Variants in AK3 observed in about 807,000 individuals in gnomAD.
AK3 encodes the protein GTP:AMP phosphotransferase AK3, mitochondrial.
AK3 carries 27 observed loss-of-function variants against 23.7 expected under a neutral mutation model. That is an observed-to-expected ratio of 1.14 (90% CI 0.84 to 1.57). The LOEUF (loss-of-function observed/expected upper bound fraction) is 1.57. AK3 is among the 40% of genes most tolerant of loss of function. AK3 has a pLI of 0.00. For missense variants in AK3, 406 were observed against 285.6 expected, an observed-to-expected ratio of 1.42 and a Z score of -3.04; for synonymous variants, 159 against 116.0, an observed-to-expected ratio of 1.37 and a Z score of -2.38.
chr9:4,721,791 A>T (rs1484378742), intron 2 of AK3, among the ~76,000 whole-genome samples: 2 of 152,186 alleles, frequency 1.3e-5, no homozygotes, highest in Non-Finnish European at 2.9e-5. Flanking sequence ...CTTAGCACTT[A>T]TATCTGTGCT....
intron 1 of AK3, among the ~76,000 whole-genome samples, chr9:4,730,159 G>T (rs1352440210): frequency 1.3e-5 from 2 of 152,156 alleles, no homozygotes; most frequent in Admixed American, 1.3e-4. Context: ...ATTAGTAGTT[G>T]CCAAAGGCTG....
At chr9:4,721,900 G>C (rs10118291) in intron 2 of AK3, among the ~76,000 whole-genome samples, 1 of 152,150 alleles carries the variant, frequency 6.6e-6, no homozygotes, top group Non-Finnish European at 1.5e-5. Context: ...AAGCAAGCAA[G>C]TCAGGGCTGC....
intron 4 of AK3, among the ~76,000 whole-genome samples, chr9:4,717,123 A>T (rs1323314206): frequency 6.6e-6 from 1 of 152,212 alleles, no homozygotes; most frequent in Non-Finnish European, 1.5e-5. Context: ...AGGAAAAAAC[A>T]GGCAGAGGTT....
In AK3 at chr9:4,740,226, C is replaced by G. The variant is rs1488162405; in HGVS notation, c.151+711G>C. Among the ~76,000 whole-genome samples the G allele has an allele frequency of 2.0e-5, 3 of 152,012 alleles. No homozygotes were observed. In the East Asian group the frequency reaches 5.8e-4, roughly 29 times the overall value. ...CTGCGATTGGCTTTTCAAAAACAACCCTCTTAAGAGAGAATTTACATACCA... is the reference window on the plus strand; with the variant it reads ...CTGCGATTGGCTTTTCAAAAACAACGCTCTTAAGAGAGAATTTACATACCA... On this transcript the variant is annotated intron_variant, in intron 1 of 4. Transcript: ENST00000381809.
intron 4 of AK3, among the ~76,000 whole-genome samples, chr9:4,717,740 T>C (rs1563784237): frequency 1.3e-5 from 2 of 152,232 alleles, no homozygotes; most frequent in Non-Finnish European, 2.9e-5. Context: ...CAAAACAGGC[T>C]TTGTGTTAGA....
chr9:4,714,751 T>C (rs970322111), intron 4 of AK3, among the ~76,000 whole-genome samples: 1 of 152,252 alleles, frequency 6.6e-6, no homozygotes, highest in Admixed American at 6.5e-5. Context: ...TTTGTAAACA[T>C]AGACCAGTTA....
intron 4 of AK3, among the ~76,000 whole-genome samples, chr9:4,716,089 C>T (rs755847750): frequency 5.3e-5 from 8 of 152,148 alleles, no homozygotes; most frequent in Non-Finnish European, 1.0e-4. Flanking sequence ...GAGTGACTGA[C>T]GCCTGATGAT....
At chr9:4,727,713 G>A (rs1842050959) in intron 1 of AK3, among the ~76,000 whole-genome samples, 1 of 152,162 alleles carries the variant, frequency 6.6e-6, no homozygotes. Context: ...GTCTTCCTTT[G>A]CACTTACAAC....
At position 4,735,913 on chromosome 9, in the gene AK3, G is replaced by A. The variant is rs938172000; in HGVS notation, c.151+5024C>T. Among the ~76,000 whole-genome samples, 10 of 151,808 alleles carry A rather than the reference G, an allele frequency of 6.6e-5. No homozygotes were observed. In the South Asian group the frequency reaches 1.9e-3, roughly 28 times the overall value. ...GTGGATCACTTGAGGTAGGAAGTTCGAGACCAGCCCGGCTAACATGGTGAA... is the reference window on the plus strand; with the variant it reads ...GTGGATCACTTGAGGTAGGAAGTTCAAGACCAGCCCGGCTAACATGGTGAA... On this transcript the variant is annotated intron_variant, in intron 1 of 4. Transcript: ENST00000381809.
chr9:4,716,087 G>A (rs1841718640), intron 4 of AK3, among the ~76,000 whole-genome samples: 1 of 152,178 alleles, frequency 6.6e-6, no homozygotes, highest in Non-Finnish European at 1.5e-5. Flanking sequence ...CGGAGTGACT[G>A]ACGCCTGATG....
chr9:4,719,199 G>A lies in AK3; in HGVS notation c.380C>T (p.Ala127Val), dbSNP rs1205801150. The change falls in exon 3 of 5, where the codon GCT becomes GTT. Residue 127 changes from alanine to valine, a missense_variant. Transcript: ENST00000381809. ...PFEVIKQRLT[A>V]RWIHPASGRV... ...GCCACTGGCGGGATGAATCCAGCGA[G>A]CAGTAAGGCGTTGTTTAATGACCTC... The A allele has an allele frequency of 1.9e-6, 3 of 1,611,952 alleles. No individual in the cohort carries two copies. Among genetic ancestry groups the A allele is most frequent in the Admixed American group, 3.3e-5 (2 of 60,006 alleles).
chr9:4,739,074 A>G (rs933457101), intron 1 of AK3, among the ~76,000 whole-genome samples: 2 of 151,560 alleles, frequency 1.3e-5, no homozygotes, highest in African/African-American at 2.4e-5. Context: ...CGCCAGGCCT[A>G]CTCTCCTAGA....
At chr9:4,715,344 C>T (rs1045846282) in intron 4 of AK3, among the ~76,000 whole-genome samples, 3 of 151,322 alleles carry the variant, frequency 2.0e-5, no homozygotes, top group African/African-American at 7.3e-5. Flanking sequence ...GACAGGGGCC[C>T]GTGTCTTTCA....
chr9:4,741,381 G>C (rs887003499), upstream of AK3: 1 of 306,124 alleles, frequency 3.3e-6, no homozygotes, highest in Non-Finnish European at 5.9e-6. Flanking sequence ...GCGCTCGCTC[G>C]GCCGCCCAGC....
intron 1 of AK3, among the ~76,000 whole-genome samples, chr9:4,723,632 T>C (rs949433454): frequency 3.3e-5 from 5 of 152,220 alleles, no homozygotes; most frequent in Non-Finnish European, 5.9e-5. Flanking sequence ...TACAATTTTA[T>C]GTTCTTTTTG....
At chr9:4,713,678 A>G (rs944195137) in intron 4 of AK3, among the ~76,000 whole-genome samples, 25 of 152,124 alleles carry the variant, frequency 1.6e-4, no homozygotes, top group African/African-American at 5.6e-4. Flanking sequence ...TGTTGGTTTT[A>G]TTGGGTTTCC....
intron 1 of AK3, 88 bp downstream of exon 1, chr9:4,740,849 G>A: frequency 7.5e-7 from 1 of 1,338,306 alleles, no homozygotes; most frequent in Non-Finnish European, 9.7e-7. Flanking sequence ...CCCGCAGCCA[G>A]GGACCCGCGT....
At chr9:4,736,866 C>T (rs533963311) in intron 1 of AK3, among the ~76,000 whole-genome samples, 49 of 152,194 alleles carry the variant, frequency 3.2e-4, no homozygotes, top group African/African-American at 9.4e-4. Flanking sequence ...TTTGTAGAGA[C>T]GGGTTCTCAC....
At chr9:4,730,412 C>A (rs777135439) in intron 1 of AK3, among the ~76,000 whole-genome samples, 7 of 151,880 alleles carry the variant, frequency 4.6e-5, no homozygotes, top group African/African-American at 1.5e-4. Context: ...AATAAAAAAA[C>A]CACTCATAGT....
Sources: gnomAD v4.1 joint callset for allele counts (sites outside exome capture counted in the v4.1 genomes callset) on GRCh38, gnomAD v4.1.1 for gene constraint, MANE v1.5 for transcripts, NCBI Gene and HGNC (gene_info 2026-07-23, HGNC 2026-07-21) for gene names.